Variants in LHFPL6 observed in about 807,000 individuals in gnomAD.
The protein encoded by LHFPL6 is LHFPL tetraspan subfamily member 6.
In LHFPL6, 9 loss-of-function variants were observed where a neutral mutation model predicts 20.6. That is an observed-to-expected ratio of 0.44 (90% CI 0.26 to 0.76). The LOEUF is 0.76. LHFPL6 is among the 30% of genes least tolerant of loss of function. LHFPL6 has a pLI of 0.20. For synonymous variants in LHFPL6, 105 were observed against 98.7 expected (o/e 1.06, Z -0.38); for missense variants, 218 against 253.5 (o/e 0.86, Z 0.95).
At chr13:39,368,432 A>AT (rs1391052859) in intron 3 of LHFPL6, among the ~76,000 whole-genome samples, 1 of 152,142 alleles carries the variant, frequency 6.6e-6, no homozygotes, top group Non-Finnish European at 1.5e-5. Flanking sequence ...AAATACAAAA[A>AT]TTAGCTGGGT....
At chr13:39,550,934 G>C (rs1871130375) in intron 2 of LHFPL6, among the ~76,000 whole-genome samples, 1 of 152,086 alleles carries the variant, frequency 6.6e-6, no homozygotes, top group South Asian at 2.1e-4. Context: ...GCAAGAATCA[G>C]AATAGTATAA....
intron 2 of LHFPL6, among the ~76,000 whole-genome samples, chr13:39,555,145 A>G (rs77039067): frequency 0.012 from 1,862 of 152,202 alleles, 46 homozygotes; most frequent in East Asian, 0.09. Flanking sequence ...CAGCTACTTC[A>G]CTCCTACTCG....
In LHFPL6 at chr13:39,490,095, C is replaced by CAA. The variant is rs1555264627; in HGVS notation, c.385+110735_385+110736dup. ...AGTAATAACAGATTAAACAAACAAACAAAAAAAAAAACAGGAAACGTCACA... is the reference window on the plus strand; with the variant it reads ...AGTAATAACAGATTAAACAAACAAACAAAAAAAAAAAAACAGGAAACGTCACA... On this transcript the variant is annotated intron_variant, in intron 2 of 3. Transcript: ENST00000379589. Among the ~76,000 whole-genome samples the CAA allele has an allele frequency of 6.7e-3, 456 of 68,058 alleles. 2 individuals are homozygous for CAA. Among genetic ancestry groups the CAA allele is most frequent in the African/African-American group, 0.023 (413 of 17,780 alleles). The allele number at this position is 68,058 out of a possible 152,430, so 44.6% of individuals were successfully genotyped here. A position where few individuals can be genotyped will look rare whatever the true frequency, so the allele number is the denominator to read the frequency against.
At chr13:39,396,186 A>G (rs1351695169) in intron 2 of LHFPL6, among the ~76,000 whole-genome samples, 2 of 152,028 alleles carry the variant, frequency 1.3e-5, no homozygotes, top group Non-Finnish European at 1.5e-5. Flanking sequence ...GGGGATGCAG[A>G]GCAGAGATGT....
intron 2 of LHFPL6, among the ~76,000 whole-genome samples, chr13:39,598,287 CT>C (rs11404413): frequency 3.4e-5 from 5 of 148,376 alleles, no homozygotes; most frequent in Admixed American, 1.3e-4. Flanking sequence ...CTTTTTGAAA[CT>C]TTTTTTTTTT....
At chr13:39,573,960 A>G (rs1451447191) in intron 2 of LHFPL6, among the ~76,000 whole-genome samples, 1 of 152,182 alleles carries the variant, frequency 6.6e-6, no homozygotes, top group Non-Finnish European at 1.5e-5. Context: ...ATCATTCCAG[A>G]GAAAAATGAA....
chr13:39,493,994 A>C (rs1334019732), intron 2 of LHFPL6, among the ~76,000 whole-genome samples: 1 of 152,234 alleles, frequency 6.6e-6, no homozygotes, highest in African/African-American at 2.4e-5. Context: ...CCTAGCTTTA[A>C]ACCTCAGACC....
intron 2 of LHFPL6, among the ~76,000 whole-genome samples, chr13:39,559,756 G>A (rs1286532999): frequency 6.6e-6 from 1 of 152,182 alleles, no homozygotes; most frequent in Admixed American, 6.5e-5. Flanking sequence ...GTAGCACAGA[G>A]AAGGCCACCT....
intron 2 of LHFPL6, among the ~76,000 whole-genome samples, chr13:39,465,351 C>T (rs1195522433): frequency 6.6e-6 from 1 of 152,176 alleles, no homozygotes; most frequent in East Asian, 1.9e-4. Context: ...GACTCCTGGA[C>T]AGAATATGAG....
chr13:39,413,350 T>A (rs1237102803), intron 2 of LHFPL6, among the ~76,000 whole-genome samples: 1 of 151,984 alleles, frequency 6.6e-6, no homozygotes, highest in Non-Finnish European at 1.5e-5. Context: ...CAGGAAAATA[T>A]CCTAATCTTT....
intron 2 of LHFPL6, among the ~76,000 whole-genome samples, chr13:39,424,888 A>T (rs574770513): frequency 2.5e-4 from 38 of 152,310 alleles, no homozygotes; most frequent in African/African-American, 8.7e-4. Context: ...TTGTACTCTT[A>T]AATTGTTTTA....
chr13:39,523,035 T>C (rs1012387483), intron 2 of LHFPL6, among the ~76,000 whole-genome samples: 2 of 152,188 alleles, frequency 1.3e-5, no homozygotes, highest in Non-Finnish European at 2.9e-5. Context: ...AAAGTCTTTG[T>C]AGGAAAAAAA....
At chr13:39,415,135 C>CT (rs1460619009) in intron 2 of LHFPL6, among the ~76,000 whole-genome samples, 2 of 152,210 alleles carry the variant, frequency 1.3e-5, no homozygotes, top group African/African-American at 4.8e-5. Flanking sequence ...TTGTGCTGTG[C>CT]TTTTTTGTAA....
chr13:39,352,907 A>AT (rs1869615682), intron 3 of LHFPL6, among the ~76,000 whole-genome samples: 11 of 34,998 alleles, frequency 3.1e-4, no homozygotes, highest in African/African-American at 8.7e-4. Context: ...ATATATATAT[A>AT]AATGTATATA....
intron 2 of LHFPL6, among the ~76,000 whole-genome samples, chr13:39,542,908 T>C (rs1448970096): frequency 1.3e-5 from 2 of 152,248 alleles, no homozygotes; most frequent in African/African-American, 4.8e-5. Context: ...TAAATTTTAG[T>C]GGCATTAAGT....
intron 2 of LHFPL6, among the ~76,000 whole-genome samples, chr13:39,390,359 G>C (rs376831079): frequency 6.6e-6 from 1 of 151,974 alleles, no homozygotes; most frequent in African/African-American, 2.4e-5. Context: ...TTAGCCACGC[G>C]TGGTGGTACA....
At chr13:39,385,640 A>G (rs574421939) in intron 2 of LHFPL6, among the ~76,000 whole-genome samples, 1 of 152,350 alleles carries the variant, frequency 6.6e-6, no homozygotes, top group South Asian at 2.1e-4. Flanking sequence ...TGAAGTCTGT[A>G]AAGAGCTCAG....
intron 3 of LHFPL6, among the ~76,000 whole-genome samples, chr13:39,376,482 T>C: frequency 6.6e-6 from 1 of 152,170 alleles, no homozygotes; most frequent in East Asian, 1.9e-4. Flanking sequence ...TTAGGTGGTA[T>C]TTAGAACAGT....
intron 2 of LHFPL6, among the ~76,000 whole-genome samples, chr13:39,413,447 T>A (rs1359854715): frequency 3.5e-5 from 3 of 85,970 alleles, no homozygotes; most frequent in Non-Finnish European, 7.7e-5. Context: ...TTTTTTTTTT[T>A]TTTTTAGGAA....
Sources: gnomAD v4.1 joint callset for allele counts (sites outside exome capture counted in the v4.1 genomes callset) on GRCh38, gnomAD v4.1.1 for gene constraint, MANE v1.5 for transcripts, NCBI Gene and HGNC (gene_info 2026-07-23, HGNC 2026-07-21) for gene names.